Variants in APOB observed in about 807,000 individuals in gnomAD.
APOB encodes apolipoprotein B.
APOB carries 153 observed loss-of-function variants against 314.1 expected under a neutral mutation model. The observed-to-expected ratio is 0.49, with a 90% CI of 0.43 to 0.56. The LOEUF (loss-of-function observed/expected upper bound fraction) is 0.56. Among genes scored for constraint, APOB ranks in the 20% least tolerant of loss-of-function variants. APOB has a pLI of 0.00. For missense variants in APOB, 5,430 were observed against 5,350.7 expected (o/e 1.01, Z -0.46); for synonymous variants, 2,087 against 2,036.4 (o/e 1.02, Z -0.67).
rs755811872 is a variant in APOB, at chr2:21,010,822, C to T, written c.6046G>A (p.Asp2016Asn). 6.2e-7 allele frequency: 1 copy of T among 1,614,102 alleles called. No homozygotes were observed. The highest frequency in any genetic ancestry group is 2.2e-5 in the East Asian group (1 of 44,878). Residue 2016 changes from aspartate to asparagine, a missense_variant, in exon 26 of 29, where the codon GAC becomes AAC. Coordinates refer to ENST00000233242, the MANE Select transcript of APOB (RefSeq NM_000384.3). The part of the protein sequence containing the change: ...GVELTGRTLA[D>N]LTLLDSPIKV... Reference sequence around the variant, plus strand: ...ATTGGGGAGTCTAGTAGAGTTAGGTCAGCCAGAGTTCGTCCAGTAAGCTCC... The same window carrying T: ...ATTGGGGAGTCTAGTAGAGTTAGGTTAGCCAGAGTTCGTCCAGTAAGCTCC...
Position 21,002,745 on chromosome 2 carries a change from G to A in APOB, c.12677C>T (p.Thr4226Met), listed in dbSNP as rs371177562. ...LCTMFIREVG[T>M]VLSQVYSKVH... ...TTTCGAATATACCTGGGACAGTACCGTCCCTACCTCCCTTATGAACATAGT... is the reference window on the plus strand; with the variant it reads ...TTTCGAATATACCTGGGACAGTACCATCCCTACCTCCCTTATGAACATAGT... Residue 4226 changes from threonine (T) to methionine (M), a missense_variant, in exon 29 of 29, where the codon ACG (threonine) becomes ATG (methionine). Physicochemically the swap from Thr to Met is moderately conservative, Grantham distance 81. Coordinates refer to ENST00000233242, the MANE Select transcript of APOB (RefSeq NM_000384.3). The A allele has an allele frequency of 1.7e-5, 27 of 1,610,540 alleles. No individual in the cohort carries two copies. Among genetic ancestry groups the A allele is most frequent in the Middle Eastern group, 3.3e-4 (2 of 6,068 alleles).
rs779552064 is a variant in APOB, at chr2:21,002,137, C to T, written c.13285G>A (p.Ala4429Thr). 1.2e-6 allele frequency: 2 copies of T among 1,613,800 alleles called. No individual in the cohort carries two copies. Among genetic ancestry groups the T allele is most frequent in the Admixed American group, 3.3e-5 (2 of 59,980 alleles). The part of the protein sequence containing the change: ...KDFHSEYIVS[A>T]SNFTSQLSSQ... ...GAGAGTTGGGAAGTAAAGTTAGAGGCACTGACAATATATTCAGAATGGAAG... is the reference window on the plus strand; with the variant it reads ...GAGAGTTGGGAAGTAAAGTTAGAGGTACTGACAATATATTCAGAATGGAAG... Residue 4429 changes from alanine to threonine, a missense_variant, in exon 29 of 29, where the codon GCC (alanine) becomes ACC (threonine). Around this residue, in one of 3 missense-constraint regions of APOB, gnomAD observed 3,281 missense variants for 3,171.0 expected, o/e 1.03. Coordinates refer to ENST00000233242, the MANE Select transcript of APOB (RefSeq NM_000384.3).
chr2:21,006,734 C>G lies in APOB; in HGVS notation c.10134G>C (p.Gln3378His), dbSNP rs886609418. Residue 3378 changes from glutamine to histidine, a missense_variant, in exon 26 of 29, where the codon CAG (glutamine) becomes CAC (histidine). This residue lies in a region of APOB where 3,281 missense variants were observed against 3,171.0 expected (regional missense o/e 1.03). Transcript: ENST00000233242. ...ATCTTGTGGTGCCCTCTAATTTGTA[C>G]TGCAGTGCATCAATGACAGATGAAG... is the stretch of plus-strand genomic sequence containing the variant. ...SSSSSVIDAL[Q>H]YKLEGTTRLT... 4.3e-6 allele frequency: 7 copies of G among 1,613,896 alleles called. No homozygotes were observed. In the African/African-American group the frequency reaches 6.7e-5, roughly 15 times the overall value.
intron 4 of APOB, among the ~76,000 whole-genome samples, chr2:21,040,658 T>C (rs1664108018): frequency 6.6e-6 from 1 of 152,188 alleles, no homozygotes; most frequent in East Asian, 1.9e-4. Context: ...TAAATAAGAA[T>C]TCACTTGTTT....
Position 21,006,146 on chromosome 2 carries a change from C to T in APOB, c.10722G>A (p.Glu3574=). 6.2e-7 allele frequency: 1 copy of T among 1,613,986 alleles called. No homozygotes were observed. Among genetic ancestry groups the T allele is most frequent in the Non-Finnish European group, 8.5e-7 (1 of 1,179,954 alleles). Residue 3574 remains glutamate, a synonymous_variant, in exon 26 of 29, where the codon GAG becomes GAA. Transcript: ENST00000233242. ...GTTCTCCGTTGGTGAAAAAGAGGCC[C>T]TCTAGCTGTAAGTGGTTTTTCGTAC... ...EHSTKNHLQL[E]GLFFTNGEHT...
At chr2:21,016,212 C>T (rs1379651233) in intron 21 of APOB, among the ~76,000 whole-genome samples, 1 of 151,794 alleles carries the variant, frequency 6.6e-6, no homozygotes, top group Middle Eastern at 3.2e-3. Context: ...CACTTGAACT[C>T]GGGAGGCGGA....
In APOB at chr2:21,004,621, G is replaced by C. The variant is rs748945309; in HGVS notation, c.11843C>G (p.Thr3948Arg). 4 of 1,613,870 alleles carry C rather than the reference G, an allele frequency of 2.5e-6. No individual in the cohort carries two copies. The highest frequency in any genetic ancestry group is 1.3e-5 in the African/African-American group (1 of 74,918). The change falls in exon 27 of 29, where the codon ACA (threonine) becomes AGA (arginine). Residue 3948 changes from threonine (T) to arginine (R), a missense_variant. This residue lies in a region of APOB where 3,281 missense variants were observed against 3,171.0 expected (regional missense o/e 1.03). Transcript: ENST00000233242. ...TGCACTGAAGTCACGGTGTGCAAAT[G>C]TTCCTTTAGTCTTAGAGGCTAACGT... Reference protein sequence around the residue: ...DGTLASKTKGTFAHRDFSAEY... With the variant: ...DGTLASKTKGRFAHRDFSAEY...
rs1489058435 is a variant in APOB, at chr2:21,009,279, T to G, written c.7589A>C (p.Gln2530Pro). The G allele has an allele frequency of 2.5e-6, 4 of 1,614,096 alleles. No homozygotes were observed. The highest frequency in any genetic ancestry group is 3.4e-6 in the Non-Finnish European group (4 of 1,179,956). Residue 2530 changes from glutamine to proline, a missense_variant, in exon 26 of 29, where the codon CAG becomes CCG. Around this residue, in one of 3 missense-constraint regions of APOB, gnomAD observed 3,281 missense variants for 3,171.0 expected, o/e 1.03. Transcript: ENST00000233242. ...RDRMYQMDIQ[Q>P]ELQRYLSLVG... Reference sequence around the variant, plus strand: ...CAGAGACAGGTATCGTTGAAGTTCCTGCTGAATGTCCATTTGATACATTCG... The same window carrying G: ...CAGAGACAGGTATCGTTGAAGTTCCGGCTGAATGTCCATTTGATACATTCG...
chr2:21,043,855 C>CG lies in APOB; in HGVS notation c.82+8dup. 1 of 1,522,436 alleles carries CG rather than the reference C, an allele frequency of 6.6e-7. No homozygotes were observed. The highest frequency in any genetic ancestry group is 8.8e-7 in the Non-Finnish European group (1 of 1,140,528). 94.3% of individuals were successfully genotyped at this position (1,522,436 alleles called of 1,614,324 possible). A position where few individuals can be genotyped will look rare whatever the true frequency, so the allele number is the denominator to read the frequency against. On this transcript the variant is annotated intron_variant, in intron 1 of 28. Coordinates refer to ENST00000233242, the MANE Select transcript of APOB (RefSeq NM_000384.3). ...TCCCTCTGCGCCCGCAGAGCGGCCG[C>CG]GCACTCACCGGCCCTGGCGCCCGCC...
Position 21,026,925 on chromosome 2 carries a change from C to G in APOB, c.2107G>C (p.Ala703Pro), listed in dbSNP as rs997125280. 6.2e-7 allele frequency: 1 copy of G among 1,614,202 alleles called. No homozygotes were observed. The highest frequency in any genetic ancestry group is 8.5e-7 in the Non-Finnish European group (1 of 1,180,036). The change falls in exon 15 of 29, where the codon GCT becomes CCT. Residue 703 changes from alanine (A) to proline (P), a missense_variant. Coordinates refer to ENST00000233242, the MANE Select transcript of APOB (RefSeq NM_000384.3). ...EGKGFEPTLE[A>P]LFGKQGFFPD... ...AAAAATCCTTGCTTCCCAAAAAGAG[C>G]TTCCAATGTTGGCTCAAAGCCTTTT...
At chr2:21,020,033 T>C (rs1663565380) in intron 18 of APOB, 128 bp from the exon 19 acceptor site, 1 of 821,074 alleles carries the variant, frequency 1.2e-6, no homozygotes, top group African/African-American at 1.7e-5. Flanking sequence ...CTCTAACTAT[T>C]TAATTTACTG....
At position 21,009,525 on chromosome 2, in the gene APOB, T is replaced by G; in HGVS notation, c.7343A>C (p.Gln2448Pro). ...AGCCTGAATTTCACCATTGAGTCTC[T>G]GAGTCACCTCACGGATTTTGTCATT... ...ETNDKIREVT[Q>P]RLNGEIQALE... The change falls in exon 26 of 29, where the codon CAG (glutamine) becomes CCG (proline). Residue 2448 changes from glutamine (Q) to proline (P), a missense_variant. Gln to Pro is a moderately conservative substitution (Grantham distance 76, BLOSUM62 -1). This residue lies in a region of APOB where 3,281 missense variants were observed against 3,171.0 expected (regional missense o/e 1.03). Coordinates refer to ENST00000233242, the MANE Select transcript of APOB (RefSeq NM_000384.3). 6.2e-7 allele frequency: 1 copy of G among 1,614,128 alleles called. No homozygotes were observed. The highest frequency in any genetic ancestry group is 1.1e-5 in the South Asian group (1 of 91,084).
chr2:21,021,558 C>T (rs1334173728), intron 18 of APOB, among the ~76,000 whole-genome samples: 2 of 152,210 alleles, frequency 1.3e-5, no homozygotes, highest in African/African-American at 4.8e-5. Context: ...CGCAGCTGGG[C>T]ATGCTCTCTC....
intron 18 of APOB, among the ~76,000 whole-genome samples, chr2:21,020,538 T>C (rs1307205735): frequency 6.6e-6 from 1 of 152,182 alleles, no homozygotes; most frequent in African/African-American, 2.4e-5. Flanking sequence ...GGTTTCATCT[T>C]CCTTGACCTC....
intron 16 of APOB, chr2:21,023,906 A>G: frequency 2.3e-6 from 1 of 438,972 alleles, no homozygotes; most frequent in Admixed American, 3.9e-5. Context: ...CACTAGATAG[A>G]TATCATGTCA....
rs766891285 is a variant in APOB, at chr2:21,005,406, G to A, written c.11462C>T (p.Thr3821Ile). 1 of 1,614,090 alleles carries A rather than the reference G, an allele frequency of 6.2e-7. No individual in the cohort carries two copies. Among genetic ancestry groups the A allele is most frequent in the East Asian group, 2.2e-5 (1 of 44,896 alleles). Reference sequence around the variant, plus strand: ...TTTTGGAAGCGTGAACTGGGACACAGTTAACTGAGATTCAGGCACGGTTAT... The same window carrying A: ...TTTTGGAAGCGTGAACTGGGACACAATTAACTGAGATTCAGGCACGGTTAT... ...FEITVPESQL[T>I]VSQFTLPKSV... Residue 3821 changes from threonine (T) to isoleucine (I), a missense_variant, in exon 26 of 29, where the codon ACT (threonine) becomes ATT (isoleucine). This residue lies in a region of APOB where 3,281 missense variants were observed against 3,171.0 expected (regional missense o/e 1.03). Transcript: ENST00000233242.
In APOB at chr2:21,001,648, A is replaced by C; in HGVS notation, c.*82T>G. 1 of 1,399,928 alleles carries C rather than the reference A, an allele frequency of 7.1e-7. No homozygotes were observed. The highest frequency in any genetic ancestry group is 1.0e-6 in the Non-Finnish European group (1 of 993,822). The allele number at this position is 1,399,928 out of a possible 1,614,324, so 86.7% of individuals were successfully genotyped here. A position where few individuals can be genotyped will look rare whatever the true frequency, so the allele number is the denominator to read the frequency against. ...GGCTGGCTCACTGTATGGTTTTATCAATATAGGCAGTTTGAATTTTTTCTG... is the reference window on the plus strand; with the variant it reads ...GGCTGGCTCACTGTATGGTTTTATCCATATAGGCAGTTTGAATTTTTTCTG... On this transcript the variant is annotated 3_prime_UTR_variant, in exon 29 of 29. Coordinates refer to ENST00000233242, the MANE Select transcript of APOB (RefSeq NM_000384.3).
intron 7 of APOB, among the ~76,000 whole-genome samples, chr2:21,035,349 G>A (rs562179354): frequency 2.1e-3 from 324 of 152,292 alleles, no homozygotes; most frequent in Non-Finnish European, 3.8e-3. Flanking sequence ...TGGATCTACA[G>A]CCCTTAAAGA....
chr2:21,009,191 C>A lies in APOB; in HGVS notation c.7677G>T (p.Lys2559Asn). 1 of 1,614,082 alleles carries A rather than the reference C, an allele frequency of 6.2e-7. No individual in the cohort carries two copies. The highest frequency in any genetic ancestry group is 8.5e-7 in the Non-Finnish European group (1 of 1,179,974). The change falls in exon 26 of 29, where the codon AAG becomes AAT. Residue 2559 changes from lysine to asparagine, a missense_variant. Lys to Asn is a moderately conservative substitution (Grantham distance 94). Around this residue, in one of 3 missense-constraint regions of APOB, gnomAD observed 3,281 missense variants for 3,171.0 expected, o/e 1.03. Coordinates refer to ENST00000233242, the MANE Select transcript of APOB (RefSeq NM_000384.3). ...ATTGCTCTGCAAAGTCAGTAAGGTT[C>A]TTAGCAGCAAGAGTCCACCAATCAG... ...YISDWWTLAA[K>N]NLTDFAEQYS...
Sources: allele counts gnomAD v4.1 joint callset (sites outside exome capture counted in the v4.1 genomes callset), GRCh38; gene constraint gnomAD v4.1.1; regional missense constraint gnomAD v4.1.1; transcripts MANE v1.5; gene names NCBI Gene and HGNC (gene_info 2026-07-23, HGNC 2026-07-21).